PSD3: variants seen among roughly 807,000 people sequenced by gnomAD.
PSD3 encodes pleckstrin and Sec7 domain containing 3.
Under a neutral mutation model 105.5 loss-of-function variants are expected in PSD3, and 49 were observed. The ratio of observed to expected loss-of-function variants is 0.46; its 90% CI spans 0.37 to 0.59. The LOEUF is 0.59. Ranked by LOEUF, PSD3 falls within the 20% of genes least tolerant of loss-of-function variation. The pLI, the probability that PSD3 is intolerant of heterozygous loss-of-function variation, is 0.00. For missense variants in PSD3, 1,561 were observed against 1,263.8 expected, an observed-to-expected ratio of 1.24 and a Z score of -3.57; for synonymous variants, 557 against 457.8, an observed-to-expected ratio of 1.22 and a Z score of -2.77.
chr8:18,767,357 T>C (rs1807087747), intron 8 of PSD3, among the ~76,000 whole-genome samples: 1 of 152,206 alleles, frequency 6.6e-6, no homozygotes. Context: ...ATACATCTGT[T>C]ACGAGTGCAG....
At chr8:18,602,970 A>G (rs553685874) in intron 11 of PSD3, among the ~76,000 whole-genome samples, 6 of 152,226 alleles carry the variant, frequency 3.9e-5, no homozygotes, top group African/African-American at 1.4e-4. Flanking sequence ...GTAACTTCAC[A>G]TAATGAACTT....
intron 8 of PSD3, chr8:18,774,956 G>A (rs924809338): frequency 2.0e-5 from 9 of 455,938 alleles, no homozygotes; most frequent in Non-Finnish European, 4.0e-5. Flanking sequence ...ATGCCCCGAG[G>A]GAAAGAGAAA....
chr8:19,043,243 T>C (rs752847048), intron 1 of PSD3, among the ~76,000 whole-genome samples: 3 of 152,190 alleles, frequency 2.0e-5, no homozygotes, highest in Non-Finnish European at 4.4e-5. Flanking sequence ...AATTTGTACA[T>C]GCAGAATGAC....
intron 4 of PSD3, among the ~76,000 whole-genome samples, chr8:18,831,539 T>C (rs1029357529): frequency 2.6e-5 from 4 of 152,036 alleles, no homozygotes; most frequent in East Asian, 1.9e-4. Context: ...CTGGCCAACA[T>C]GGTGAAACCC....
In PSD3 at chr8:18,748,626, C is replaced by A. The variant is rs544213580; in HGVS notation, c.2172+16823G>T. Among the ~76,000 whole-genome samples, 8 of 146,942 alleles carry A rather than the reference C, an allele frequency of 5.4e-5. No homozygotes were observed. In the Admixed American group the frequency reaches 5.5e-4, roughly 10 times the overall value. On this transcript the variant is annotated intron_variant, in intron 9 of 15. Coordinates refer to ENST00000327040, the MANE Select transcript of PSD3 (RefSeq NM_015310.4). ...AGTGAGCTGAGATCGCGCCACTGCA[C>A]TCCAGCCTGGGCGACAGAGCGAGAC...
intron 2 of PSD3, among the ~76,000 whole-genome samples, chr8:18,913,246 C>A (rs978133983): frequency 6.6e-6 from 1 of 152,146 alleles, no homozygotes; most frequent in African/African-American, 2.4e-5. Flanking sequence ...AAAATCCTCT[C>A]TCTCGTTTTC....
intron 2 of PSD3, among the ~76,000 whole-genome samples, chr8:18,886,283 C>G (rs996117972): frequency 6.6e-6 from 1 of 152,132 alleles, no homozygotes; most frequent in Non-Finnish European, 1.5e-5. Flanking sequence ...CTCAATGTCA[C>G]ATGCTGAAAT....
chr8:18,822,341 T>C (rs1364597655), intron 4 of PSD3, among the ~76,000 whole-genome samples: 1 of 152,176 alleles, frequency 6.6e-6, no homozygotes, highest in East Asian at 1.9e-4. Flanking sequence ...AGGACATCAT[T>C]CAGGCATCAC....
intron 1 of PSD3, among the ~76,000 whole-genome samples, chr8:19,062,685 C>T (rs1828944483): frequency 2.0e-5 from 3 of 152,256 alleles, no homozygotes; most frequent in East Asian, 3.9e-4. Context: ...TGCATAACTT[C>T]TAAAATAAAA....
intron 1 of PSD3, among the ~76,000 whole-genome samples, chr8:19,060,251 A>G (rs1035347490): frequency 2.0e-5 from 3 of 152,212 alleles, no homozygotes; most frequent in Admixed American, 6.5e-5. Flanking sequence ...AAAAAACTTT[A>G]AAAATGAAAT....
intron 2 of PSD3, among the ~76,000 whole-genome samples, chr8:18,885,268 T>G (rs954167269): frequency 6.6e-6 from 1 of 152,154 alleles, no homozygotes; most frequent in African/African-American, 2.4e-5. Context: ...ATTTCTCTCT[T>G]TACTGACTCT....
Position 18,897,097 on chromosome 8 carries a change from G to A in PSD3, c.131-24364C>T, listed in dbSNP as rs544580431. On this transcript the variant is annotated intron_variant, in intron 2 of 15. Coordinates refer to ENST00000327040, the MANE Select transcript of PSD3 (RefSeq NM_015310.4). ...GCTGGGATTACAGGCGTGAGCCACC[G>A]TGCCCGGCCTATGTTTTGTCTTTTT... Among the ~76,000 whole-genome samples, 77 of 151,476 alleles carry A rather than the reference G, an allele frequency of 5.1e-4. 1 individual carries two copies. The highest frequency in any genetic ancestry group is 1.0e-3 in the Non-Finnish European group (70 of 68,004).
chr8:19,054,402 G>T (rs141236872), intron 1 of PSD3, among the ~76,000 whole-genome samples: 1 of 152,072 alleles, frequency 6.6e-6, no homozygotes, highest in African/African-American at 2.4e-5. Context: ...TTTGGTGCCT[G>T]GAAGAACTTG....
chr8:18,607,909 A>C (rs1253969658), intron 11 of PSD3, among the ~76,000 whole-genome samples: 2 of 152,136 alleles, frequency 1.3e-5, no homozygotes, highest in East Asian at 3.9e-4. Flanking sequence ...AGTGCCGAGC[A>C]AAAAGGGGAA....
At chr8:18,920,121 C>T (rs566113008) in intron 2 of PSD3, among the ~76,000 whole-genome samples, 419 of 151,150 alleles carry the variant, frequency 2.8e-3, no homozygotes, top group African/African-American at 9.7e-3. Context: ...TCACAATGAT[C>T]ATTTCCAAAA....
At chr8:18,748,690 T>G (rs539892512) in intron 9 of PSD3, among the ~76,000 whole-genome samples, 1 of 151,530 alleles carries the variant, frequency 6.6e-6, no homozygotes, top group East Asian at 1.9e-4. Flanking sequence ...AGATTTTTCC[T>G]TTATGTGGAA....
At chr8:18,875,290 CCTT>C (rs1356230026) in intron 2 of PSD3, among the ~76,000 whole-genome samples, 1 of 152,120 alleles carries the variant, frequency 6.6e-6, no homozygotes, top group Non-Finnish European at 1.5e-5. Context: ...ATTTATAACA[CCTT>C]CTACAAGACA....
rs1417913226 is a variant in PSD3, at chr8:18,871,915, G to A, written c.949C>T (p.Gln317Ter). 1 of 1,614,162 alleles carries A rather than the reference G, an allele frequency of 6.2e-7. No homozygotes were observed. The highest frequency in any genetic ancestry group is 1.7e-5 in the Admixed American group (1 of 60,018). Residue 317 changes from glutamine to a stop codon, truncating the protein, a stop_gained, in exon 3 of 16, where the codon CAG (glutamine) becomes TAG (stop). Transcript: ENST00000327040. LOFTEE classifies it high-confidence loss of function. Reference protein sequence around the residue: ...LWTGGDKRETQHPIDFETSLQ... With the variant: ...LWTGGDKRET ...GATGTCTCAAAATCTATAGGATGCT[G>A]GGTCTCTCTCTTGTCTCCTCCTGTC...
intron 2 of PSD3, among the ~76,000 whole-genome samples, chr8:18,891,288 T>C (rs1818765723): frequency 6.6e-6 from 1 of 152,194 alleles, no homozygotes; most frequent in African/African-American, 2.4e-5. Context: ...CTTATAATAT[T>C]TTATTATGTT....
Sources: allele counts gnomAD v4.1 joint callset (sites outside exome capture counted in the v4.1 genomes callset), GRCh38; gene constraint gnomAD v4.1.1; transcripts MANE v1.5; gene names NCBI Gene and HGNC (gene_info 2026-07-23, HGNC 2026-07-21).